TMPRSS11D: variants seen among roughly 807,000 people sequenced by gnomAD.
The protein encoded by TMPRSS11D is transmembrane serine protease 11D.
In TMPRSS11D, 32 loss-of-function variants were observed where a neutral mutation model predicts 44.4. The ratio of observed to expected loss-of-function variants is 0.72; its 90% CI spans 0.54 to 0.97. The LOEUF (loss-of-function observed/expected upper bound fraction) is 0.97, where lower values mean the gene tolerates loss of function less well. Ranked by LOEUF, TMPRSS11D falls within the 50% of genes least tolerant of loss-of-function variation. The probability of loss-of-function intolerance (pLI) is 0.00; values close to 1 mark genes in which losing one functional copy is unlikely to be tolerated. For synonymous variants in TMPRSS11D, 179 were observed against 177.9 expected, an observed-to-expected ratio of 1.01 and a Z score of -0.05; for missense variants, 446 against 502.6, an observed-to-expected ratio of 0.89 and a Z score of 1.08.
intron 1 of TMPRSS11D, 95 bp downstream of exon 1, chr4:67,883,831 G>A (rs937308449): frequency 2.0e-6 from 2 of 982,098 alleles, no homozygotes; most frequent in Non-Finnish European, 3.0e-6. Context: ...AAGATTGCTA[G>A]ACACAGTCAA....
At chr4:67,856,544 G>C (rs1462721961) in intron 2 of TMPRSS11D, among the ~76,000 whole-genome samples, 1 of 152,004 alleles carries the variant, frequency 6.6e-6, no homozygotes, top group African/African-American at 2.4e-5. Flanking sequence ...AGAAAACATA[G>C]GGGAAACACT....
At chr4:67,862,329 T>A (rs1718810062) in intron 1 of TMPRSS11D, among the ~76,000 whole-genome samples, 1 of 151,900 alleles carries the variant, frequency 6.6e-6, no homozygotes, top group African/African-American at 2.4e-5. Flanking sequence ...TATTCAGGAG[T>A]GACAGAGCTG....
At chr4:67,876,522 T>A (rs908216687) in intron 1 of TMPRSS11D, among the ~76,000 whole-genome samples, 2 of 152,238 alleles carry the variant, frequency 1.3e-5, no homozygotes, top group African/African-American at 4.8e-5. Context: ...TAACATTTTA[T>A]AAGATTGACA....
intron 7 of TMPRSS11D, among the ~76,000 whole-genome samples, chr4:67,832,195 C>A (rs1717961839): frequency 6.6e-6 from 1 of 152,100 alleles, no homozygotes; most frequent in Non-Finnish European, 1.5e-5. Context: ...CTGGATTGAT[C>A]TGCCTATGGA....
At chr4:67,860,626 C>T (rs2109690255) in intron 1 of TMPRSS11D, among the ~76,000 whole-genome samples, 1 of 152,046 alleles carries the variant, frequency 6.6e-6, no homozygotes, top group East Asian at 1.9e-4. Flanking sequence ...TTGCAGAATG[C>T]TTGGGTGATA....
intron 1 of TMPRSS11D, among the ~76,000 whole-genome samples, chr4:67,871,127 G>A (rs1719052852): frequency 7.2e-6 from 1 of 138,070 alleles, no homozygotes; most frequent in South Asian, 2.6e-4. Flanking sequence ...TTCTCGTATT[G>A]AAAAGTCTAT....
intron 4 of TMPRSS11D, among the ~76,000 whole-genome samples, chr4:67,841,154 A>C (rs1047928154): frequency 6.6e-6 from 1 of 152,142 alleles, no homozygotes; most frequent in Non-Finnish European, 1.5e-5. Context: ...GGCTGCATAT[A>C]TTCATGTTTG....
chr4:67,872,968 G>A (rs1016028638), intron 1 of TMPRSS11D, among the ~76,000 whole-genome samples: 2 of 151,986 alleles, frequency 1.3e-5, no homozygotes, highest in African/African-American at 4.8e-5. Flanking sequence ...TGTTTTCTGG[G>A]TGGAATTACA....
At chr4:67,863,906 G>T (rs972072307) in intron 1 of TMPRSS11D, among the ~76,000 whole-genome samples, 5 of 152,028 alleles carry the variant, frequency 3.3e-5, no homozygotes, top group Non-Finnish European at 7.4e-5. Flanking sequence ...AGTAACTGTT[G>T]TATGAGCTTG....
chr4:67,850,711 G>A (rs1026816627), intron 3 of TMPRSS11D, among the ~76,000 whole-genome samples: 4 of 152,180 alleles, frequency 2.6e-5, no homozygotes, highest in African/African-American at 7.2e-5. Context: ...TGCCTCCAAC[G>A]GGAGCTGTGC....
intron 1 of TMPRSS11D, among the ~76,000 whole-genome samples, chr4:67,863,052 AT>A (rs373700801): frequency 0.067 from 10,126 of 150,642 alleles, 879 homozygotes; most frequent in African/African-American, 0.17. Flanking sequence ...TAATAAAAAA[AT>A]ATATATAAAA....
At chr4:67,829,306 A>C (rs1717884122) in intron 7 of TMPRSS11D, among the ~76,000 whole-genome samples, 1 of 152,028 alleles carries the variant, frequency 6.6e-6, no homozygotes, top group Non-Finnish European at 1.5e-5. Context: ...TGAGAAATAA[A>C]GTTTATAATT....
intron 3 of TMPRSS11D, among the ~76,000 whole-genome samples, chr4:67,845,565 A>C (rs1452075501): frequency 2.0e-5 from 3 of 152,152 alleles, no homozygotes; most frequent in Non-Finnish European, 4.4e-5. Flanking sequence ...TTTTACATTC[A>C]ATCTTTTAGC....
In TMPRSS11D at chr4:67,838,305, C is replaced by T. The variant is rs759048486; in HGVS notation, c.342G>A (p.Ala114=). Residue 114 remains alanine (A), a synonymous_variant, in exon 5 of 10, where the codon GCG becomes GCA. Transcript: ENST00000283916. ...KLRQDGSGVR[A]DVVMKFQFTR... ...TGAATTGAAATTTCATGACAACATC[C>T]GCTCTCACACCACTACCATCTTGCC... 53 of 1,587,162 alleles carry T rather than the reference C, an allele frequency of 3.3e-5. No homozygotes were observed. The highest frequency in any genetic ancestry group is 4.0e-5 in the Non-Finnish European group (47 of 1,169,584).
chr4:67,871,469 G>A (rs1719061767), intron 1 of TMPRSS11D, among the ~76,000 whole-genome samples: 1 of 152,178 alleles, frequency 6.6e-6, no homozygotes, highest in Non-Finnish European at 1.5e-5. Flanking sequence ...TTTCAAGAAT[G>A]CTGCTGACAC....
chr4:67,879,897 A>G (rs1394211713), intron 1 of TMPRSS11D, among the ~76,000 whole-genome samples: 2 of 152,246 alleles, frequency 1.3e-5, no homozygotes, highest in African/African-American at 2.4e-5. Context: ...TGTAATGGCA[A>G]TATACTAGAA....
rs145360338 is a variant in TMPRSS11D at position 67,836,517 on chromosome 4, C to T, written c.476-1396G>A. Among the ~76,000 whole-genome samples, 113 of 152,284 alleles carry T rather than the reference C, an allele frequency of 7.4e-4. 2 individuals carry two copies. In the East Asian group the frequency reaches 0.02, roughly 27 times the overall value. On this transcript the variant is annotated intron_variant, in intron 5 of 9. Transcript: ENST00000283916. ...ACTTCAGTGGAGCCAAATCATACTT[C>T]TGGAGACAGAAAATTTTAAAAAGCT...
chr4:67,867,584 C>A (rs1310354524), intron 1 of TMPRSS11D, among the ~76,000 whole-genome samples: 1 of 152,092 alleles, frequency 6.6e-6, no homozygotes, highest in Non-Finnish European at 1.5e-5. Flanking sequence ...ATGCATCTTA[C>A]AAAACACTAA....
chr4:67,870,620 C>G (rs956980434), intron 1 of TMPRSS11D, among the ~76,000 whole-genome samples: 3 of 152,116 alleles, frequency 2.0e-5, no homozygotes, highest in African/African-American at 7.2e-5. Context: ...CGAGACCATC[C>G]TGGCTAACAT....
Sources: gnomAD v4.1 joint callset for allele counts (sites outside exome capture counted in the v4.1 genomes callset) on GRCh38, gnomAD v4.1.1 for gene constraint, MANE v1.5 for transcripts, NCBI Gene and HGNC (gene_info 2026-07-23, HGNC 2026-07-21) for gene names.